ROBO2: variants seen among roughly 807,000 people sequenced by gnomAD.
ROBO2 encodes the protein roundabout homolog 2.
ROBO2 carries 53 observed loss-of-function variants against 160.8 expected under a neutral mutation model. The ratio of observed to expected loss-of-function variants is 0.33; its 90% CI spans 0.26 to 0.41. ROBO2 has a LOEUF of 0.41. Ranked by LOEUF, ROBO2 falls within the 10% of genes least tolerant of loss-of-function variation. The probability of loss-of-function intolerance (pLI) is 1.00; values close to 1 mark genes in which losing one functional copy is unlikely to be tolerated. For missense variants in ROBO2, 1,577 were observed against 1,722.4 expected (o/e 0.92, Z 1.49); for synonymous variants, 664 against 611.7 (o/e 1.09, Z -1.26).
chr3:76,603,786 G>A (rs192103923), intron 2 of ROBO2, among the ~76,000 whole-genome samples: 280 of 152,064 alleles, frequency 1.8e-3, no homozygotes, highest in Non-Finnish European at 2.6e-3. Context: ...TAACATTCTC[G>A]TATAAGTGGT....
chr3:76,609,583 T>C (rs1007299590), intron 2 of ROBO2, among the ~76,000 whole-genome samples: 2 of 152,224 alleles, frequency 1.3e-5, no homozygotes, highest in Non-Finnish European at 1.5e-5. Flanking sequence ...CCTGCAACTT[T>C]ACTGAATTTG....
intron 2 of ROBO2, among the ~76,000 whole-genome samples, chr3:77,277,196 CTTTCTTTCTTTCTTTCTTCT>C (rs1221148693): frequency 4.6e-5 from 6 of 129,238 alleles, no homozygotes; most frequent in African/African-American, 1.7e-4. Flanking sequence ...TTCTTTCTTT[CTTTCTTTCTTTCTTTCTTCT>C]TTCTTTCTTT....
rs546116778 is a variant in ROBO2, at chr3:77,098,590, G to A, written c.388+250G>A. Among the ~76,000 whole-genome samples, 9 of 152,242 alleles carry A rather than the reference G, an allele frequency of 5.9e-5. No homozygotes were observed. The South Asian group carries it at 1.9e-3, about 32-fold the overall frequency. ...AGGCCGGGCGCGGTGGCTCACGCCT[G>A]TAATCCCAGCACTTTGGGAGGCGGA... is the stretch of plus-strand genomic sequence containing the variant. On this transcript the variant is annotated intron_variant, in intron 2 of 25. Transcript: ENST00000461745.
chr3:76,327,856 A>C (rs2073149706), intron 2 of ROBO2, among the ~76,000 whole-genome samples: 1 of 152,060 alleles, frequency 6.6e-6, no homozygotes, highest in Non-Finnish European at 1.5e-5. Flanking sequence ...AGAGTGTTAG[A>C]CTTTTCTTCA....
intron 2 of ROBO2, among the ~76,000 whole-genome samples, chr3:77,027,959 T>G (rs2063078353): frequency 6.6e-6 from 1 of 152,136 alleles, no homozygotes; most frequent in Non-Finnish European, 1.5e-5. Context: ...GCCCAACGAC[T>G]ATTAAATCAC....
chr3:76,771,729 A>ATATT, intron 2 of ROBO2, among the ~76,000 whole-genome samples: 1 of 151,432 alleles, frequency 6.6e-6, no homozygotes, highest in Middle Eastern at 3.4e-3. Context: ...ATTTTTATAA[A>ATATT]TATTTTAAAA....
chr3:77,343,162 TAAAG>T (rs1453050165), intron 2 of ROBO2, among the ~76,000 whole-genome samples: 2 of 152,226 alleles, frequency 1.3e-5, no homozygotes, highest in Non-Finnish European at 2.9e-5. Flanking sequence ...AATTATTGCC[TAAAG>T]ATCCTATACA....
chr3:77,124,925 T>C (rs1336106268), intron 2 of ROBO2, among the ~76,000 whole-genome samples: 1 of 151,976 alleles, frequency 6.6e-6, no homozygotes, highest in Non-Finnish European at 1.5e-5. Flanking sequence ...TTTTTCCTCT[T>C]CCTTTCCTCT....
At position 77,019,683 on chromosome 3, in the gene ROBO2, T is replaced by A. The variant is rs769402295; in HGVS notation, c.110-78331T>A. Among the ~76,000 whole-genome samples the A allele has an allele frequency of 1.6e-4, 24 of 152,224 alleles. 1 individual carries two copies. Among genetic ancestry groups the A allele is most frequent in the Non-Finnish European group, 1.6e-4 (11 of 68,040 alleles). ...AAACTCAAACTACCAGATCTTGATT[T>A]TCAGGATTTTATCACTTTTAGTTTA... is the stretch of plus-strand genomic sequence containing the variant. On this transcript the variant is annotated intron_variant, in intron 2 of 26. Coordinates refer to the ROBO2 transcript ENST00000487694.
intron 2 of ROBO2, among the ~76,000 whole-genome samples, chr3:77,123,912 T>C (rs944429473): frequency 9.1e-5 from 13 of 142,362 alleles, no homozygotes; most frequent in Admixed American, 9.0e-4. Flanking sequence ...TGTAGATAGA[T>C]ATATAGATTA....
chr3:77,443,261 C>A (rs1394322109), intron 2 of ROBO2, among the ~76,000 whole-genome samples: 1 of 151,764 alleles, frequency 6.6e-6, no homozygotes, highest in African/African-American at 2.4e-5. Flanking sequence ...TCAAATAATT[C>A]TCATACAATG....
intron 2 of ROBO2, among the ~76,000 whole-genome samples, chr3:76,369,955 T>C (rs1233181746): frequency 1.3e-5 from 2 of 152,122 alleles, no homozygotes; most frequent in South Asian, 2.1e-4. Context: ...CAACTTTCAA[T>C]GTCTCTCCAT....
chr3:76,077,576 C>CAAT (rs1227793075), intron 2 of ROBO2, among the ~76,000 whole-genome samples: 1 of 151,436 alleles, frequency 6.6e-6, no homozygotes, highest in African/African-American at 2.4e-5. Flanking sequence ...ATAATATTAA[C>CAAT]AATAATAATA....
intron 2 of ROBO2, among the ~76,000 whole-genome samples, chr3:76,785,683 C>A (rs2062929110): frequency 6.6e-6 from 1 of 151,148 alleles, no homozygotes; most frequent in African/African-American, 2.4e-5. Flanking sequence ...TTTTCATGGT[C>A]TGTTTACATA....
At chr3:75,953,411 A>G (rs73841056) in intron 2 of ROBO2, among the ~76,000 whole-genome samples, 3,681 of 151,902 alleles carry the variant, frequency 0.024, 138 homozygotes, top group African/African-American at 0.082. Flanking sequence ...CCTTTGGCCT[A>G]TTTTTTAAAT....
At chr3:77,243,725 T>G (rs1241296684) in intron 2 of ROBO2, among the ~76,000 whole-genome samples, 1 of 152,200 alleles carries the variant, frequency 6.6e-6, no homozygotes, top group African/African-American at 2.4e-5. Context: ...AGTTATCTAA[T>G]TTCTCTAAGT....
At chr3:77,528,087 A>C (rs1483528455) in intron 6 of ROBO2, among the ~76,000 whole-genome samples, 1 of 151,596 alleles carries the variant, frequency 6.6e-6, no homozygotes, top group Non-Finnish European at 1.5e-5. Flanking sequence ...TTAAGTGGTA[A>C]TTATTTGTAA....
chr3:76,260,358 A>C (rs1388824843), intron 2 of ROBO2, among the ~76,000 whole-genome samples: 29 of 152,154 alleles, frequency 1.9e-4, no homozygotes, highest in Non-Finnish European at 1.5e-5. Flanking sequence ...ATAAAAACTC[A>C]TATTCTAGAA....
intron 22 of ROBO2, among the ~76,000 whole-genome samples, chr3:77,618,957 C>T (rs1044007543): frequency 6.6e-5 from 10 of 152,146 alleles, no homozygotes; most frequent in African/African-American, 2.2e-4. Context: ...TGAAGCAATG[C>T]AGTTTGGTCA....
Sources: allele counts gnomAD v4.1 joint callset (sites outside exome capture counted in the v4.1 genomes callset), GRCh38; gene constraint gnomAD v4.1.1; transcripts MANE v1.5; gene names NCBI Gene and HGNC (gene_info 2026-07-23, HGNC 2026-07-21).